Variants in SMIM7 observed in about 807,000 individuals in gnomAD.
SMIM7 encodes the protein small integral membrane protein 7.
In SMIM7, 12 loss-of-function variants were observed where a neutral mutation model predicts 13.3. The ratio of observed to expected loss-of-function variants is 0.90; its 90% confidence interval spans 0.58 to 1.46. The LOEUF is 1.46. SMIM7 is among the 40% of genes most tolerant of loss of function. The pLI is 0.00. For synonymous variants in SMIM7, 36 were observed against 35.8 expected, an observed-to-expected ratio of 1.01 and a Z score of -0.02; for missense variants, 114 against 94.8, an observed-to-expected ratio of 1.20 and a Z score of -0.84.
intron 3 of SMIM7, chr19:16,655,389 G>A (rs1305376168): frequency 2.2e-6 from 1 of 455,924 alleles, no homozygotes. Context: ...AAAAGAATGG[G>A]TCCAGATTAG....
At position 16,646,533 on chromosome 19, in the gene SMIM7, T is replaced by C. The variant is rs904819253; in HGVS notation, c.*713A>G. ...AACATGGTCCCAATGTACCACATCATAAAATCACTCTCATTCCTGCAACTG... is the reference window on the plus strand; with the variant it reads ...AACATGGTCCCAATGTACCACATCACAAAATCACTCTCATTCCTGCAACTG... On this transcript the variant is annotated 3_prime_UTR_variant, in exon 5 of 5. Coordinates refer to ENST00000487416, the MANE Select transcript of SMIM7 (RefSeq NM_024104.4). 3.2e-5 allele frequency: 5 copies of C among 154,282 alleles called. No individual in the cohort carries two copies. The highest frequency in any genetic ancestry group is 1.2e-4 in the African/African-American group (5 of 41,518). 9.6% of individuals were successfully genotyped at this position (154,282 alleles called of 1,614,324 possible).
chr19:16,650,724 A>G (rs112878445), intron 4 of SMIM7, among the ~76,000 whole-genome samples: 12,348 of 151,618 alleles, frequency 0.081, 764 homozygotes, highest in African/African-American at 0.17. Flanking sequence ...AAAAAAAAAA[A>G]AAGAAGAAAT....
Position 16,647,039 on chromosome 19 carries a change from G to A in SMIM7, c.*207C>T, listed in dbSNP as rs1489152658. The A allele has an allele frequency of 1.9e-5, 12 of 642,260 alleles. No homozygotes were observed. The highest frequency in any genetic ancestry group is 3.3e-5 in the Non-Finnish European group (12 of 365,342). The allele number at this position is 642,260 out of a possible 1,614,324, so 39.8% of individuals were successfully genotyped here. ...TTTCAGTAGACAGCATTTCAATTCA[G>A]AGACCAAAGTGAAACTATCTTTGAA... On this transcript the variant is annotated 3_prime_UTR_variant, in exon 5 of 5. Coordinates refer to ENST00000487416, the MANE Select transcript of SMIM7 (RefSeq NM_024104.4).
At chr19:16,639,763 A>T (rs1265279910) in intron 4 of SMIM7, among the ~76,000 whole-genome samples, 1 of 152,082 alleles carries the variant, frequency 6.6e-6, no homozygotes, top group African/African-American at 2.4e-5. Flanking sequence ...TGATGTTTTT[A>T]TAAGGGGCAT....
intron 2 of SMIM7, 97 bp downstream of exon 2, chr19:16,659,862 T>TG (rs1477760804): frequency 6.7e-7 from 1 of 1,485,590 alleles, no homozygotes; most frequent in South Asian, 1.2e-5. Flanking sequence ...GCCTGCGGCT[T>TG]GGGGGCGGGG....
Position 16,647,186 on chromosome 19 carries a change from A to T in SMIM7, c.*60T>A, listed in dbSNP as rs1300812473. 4.4e-6 allele frequency: 7 copies of T among 1,608,570 alleles called. No homozygotes were observed. Among genetic ancestry groups the T allele is most frequent in the Non-Finnish European group, 6.0e-6 (7 of 1,175,532 alleles). On this transcript the variant is annotated 3_prime_UTR_variant, in exon 5 of 5. Transcript: ENST00000487416. ...CAAAAACATTCTTGAAGTCATCAGG[A>T]ATGGAGGAATGGAGACTCGGCATCC...
downstream of SMIM7, among the ~76,000 whole-genome samples, chr19:16,643,184 G>A (rs962913786): frequency 1.3e-5 from 2 of 152,152 alleles, no homozygotes; most frequent in African/African-American, 4.8e-5. Flanking sequence ...TATGGTTACA[G>A]TATCAGGTGA....
chr19:16,642,164 C>G (rs112983387), downstream of SMIM7, among the ~76,000 whole-genome samples: 2 of 152,230 alleles, frequency 1.3e-5, no homozygotes. Context: ...GCCTTGTTTT[C>G]TAATACACAA....
chr19:16,654,244 C>T (rs1051147416), intron 3 of SMIM7, 119 bp from the exon 4 acceptor site: 13 of 741,042 alleles, frequency 1.8e-5, no homozygotes, highest in Non-Finnish European at 3.0e-5. Flanking sequence ...ACTTCGGCAA[C>T]AGTGTGGCTT....
At position 16,659,953 on chromosome 19, in the gene SMIM7, A is replaced by C; in HGVS notation, c.68+6T>G. On this transcript the variant is annotated splice_donor_region_variant and intron_variant, in intron 2 of 4. Transcript: ENST00000487416. The stretch of plus-strand genomic sequence containing the variant: ...TGGAGCCGCAGTCCGGCCGCGACCT[A>C]CTCACAGCTTAAAGTTCAGCACCGC... 6.2e-7 allele frequency: 1 copy of C among 1,611,346 alleles called. No homozygotes were observed. The highest frequency in any genetic ancestry group is 8.5e-7 in the Non-Finnish European group (1 of 1,179,018).
chr19:16,632,167 C>T (rs771000068), intron 4 of SMIM7, among the ~76,000 whole-genome samples: 9 of 152,144 alleles, frequency 5.9e-5, no homozygotes, highest in African/African-American at 2.2e-4. Context: ...CACACCCGGC[C>T]GCTGGCAGAA....
At chr19:16,631,811 A>C (rs1471241460) in intron 4 of SMIM7, 1 of 152,062 alleles carries the variant, frequency 6.6e-6, no homozygotes, top group East Asian at 1.9e-4. Context: ...AGAAAAAGCC[A>C]GTGTGACAAA....
chr19:16,639,120 A>ATTTT (rs1286703534), intron 4 of SMIM7, among the ~76,000 whole-genome samples: 4 of 133,506 alleles, frequency 3.0e-5, no homozygotes, highest in East Asian at 2.1e-4. Context: ...GTAAGATGTC[A>ATTTT]TTTTTTTTTT....
chr19:16,635,074 G>C (rs2086348966), intron 4 of SMIM7: 2 of 152,084 alleles, frequency 1.3e-5, no homozygotes, highest in African/African-American at 4.8e-5. Flanking sequence ...AAAGAGTCCA[G>C]CCCGTGGCCG....
rs548070026 is a variant in SMIM7, at chr19:16,647,536, A to G, written c.213-275T>C. ...AGTGGTGCGATCTCAGCTCGCTGCA[A>G]CCTCTGCATCCGAGATTCAAGCGAT... On this transcript the variant is annotated intron_variant, in intron 4 of 4. Coordinates refer to ENST00000487416, the MANE Select transcript of SMIM7 (RefSeq NM_024104.4). 1.3e-4 allele frequency among the ~76,000 whole-genome samples: 19 copies of G among 149,706 alleles called. No homozygotes were observed. The Admixed American group carries it at 1.3e-3, about 10-fold the overall frequency.
downstream of SMIM7, chr19:16,646,073 C>G (rs535840804): frequency 6.7e-6 from 1 of 149,270 alleles, no homozygotes; most frequent in East Asian, 2.0e-4. Context: ...GTTTTTCCAG[C>G]AGGGTAAATT....
At chr19:16,649,123 C>T (rs1386607834) in intron 4 of SMIM7, among the ~76,000 whole-genome samples, 1 of 152,152 alleles carries the variant, frequency 6.6e-6, no homozygotes, top group African/African-American at 2.4e-5. Flanking sequence ...CCCTCGTAGG[C>T]TGCAGGTAGG....
intron 4 of SMIM7, chr19:16,636,325 CA>C (rs886459900): frequency 6.6e-6 from 1 of 152,146 alleles, no homozygotes; most frequent in African/African-American, 2.4e-5. Flanking sequence ...TGCTAGCCTA[CA>C]GAGACCCATT....
chr19:16,647,020 T>C lies in SMIM7; in HGVS notation c.*226A>G. ...ATAAACGCTCCTGAAACCCTTTCAG[T>C]AGACAGCATTTCAATTCAGAGACCA... is the stretch of plus-strand genomic sequence containing the variant. On this transcript the variant is annotated 3_prime_UTR_variant, in exon 5 of 5. Coordinates refer to ENST00000487416, the MANE Select transcript of SMIM7 (RefSeq NM_024104.4). 1 of 613,178 alleles carries C rather than the reference T, an allele frequency of 1.6e-6. No homozygotes were observed. The highest frequency in any genetic ancestry group is 2.9e-6 in the Non-Finnish European group (1 of 344,384). 38.0% of individuals were successfully genotyped at this position (613,178 alleles called of 1,614,324 possible).
Sources: gnomAD v4.1 joint callset for allele counts (sites outside exome capture counted in the v4.1 genomes callset) on GRCh38, gnomAD v4.1.1 for gene constraint, MANE v1.5 for transcripts, NCBI Gene and HGNC (gene_info 2026-07-23, HGNC 2026-07-21) for gene names.